Variants in SH3TC2 observed in about 807,000 individuals in gnomAD.
SH3TC2 encodes the protein SH3 domain and tetratricopeptide repeats 2.
A neutral mutation model predicts 124.5 loss-of-function variants in SH3TC2; 87 were observed. That is an observed-to-expected ratio of 0.70 (90% CI 0.59 to 0.84). The LOEUF (loss-of-function observed/expected upper bound fraction) is 0.84. Among genes scored for constraint, SH3TC2 ranks in the 40% least tolerant of loss-of-function variants. SH3TC2 has a pLI of 0.00. For missense variants in SH3TC2, 1,536 were observed against 1,566.4 expected (o/e 0.98, Z 0.33); for synonymous variants, 634 against 628.5 (o/e 1.01, Z -0.13).
intron 3 of SH3TC2, 110 bp downstream of exon 3, chr5:149,047,752 G>GT (rs1259972846): frequency 1.4e-6 from 2 of 1,396,112 alleles, no homozygotes; most frequent in Non-Finnish European, 2.0e-6. Context: ...CCTATTAGAT[G>GT]TTTTTTCCGA....
At chr5:149,059,646 C>CA (rs199998586) in intron 1 of SH3TC2, among the ~76,000 whole-genome samples, 4,973 of 103,372 alleles carry the variant, frequency 0.048, 279 homozygotes, top group Admixed American at 0.21. Flanking sequence ...TAATGTTTAG[C>CA]AAAAAAAAAA....
intron 8 of SH3TC2, among the ~76,000 whole-genome samples, chr5:149,034,971 C>T (rs1333315204): frequency 6.6e-6 from 1 of 152,052 alleles, no homozygotes; most frequent in African/African-American, 2.4e-5. Context: ...TTAAGACAGG[C>T]CAAGACTCAG....
At chr5:149,025,139 C>G (rs1754042411) in intron 12 of SH3TC2, among the ~76,000 whole-genome samples, 2 of 149,658 alleles carry the variant, frequency 1.3e-5, no homozygotes, top group Non-Finnish European at 2.9e-5. Flanking sequence ...CAGAAGCATC[C>G]AGACTCCTAG....
chr5:149,004,159 G>C lies in SH3TC2; in HGVS notation c.*552C>G, dbSNP rs1187699785. ...CAATCCATCTGGCCATTCTGAGGCTGTGTCTTTTGAGCTAAGATCCTGGTG... is the reference window on the plus strand; with the variant it reads ...CAATCCATCTGGCCATTCTGAGGCTCTGTCTTTTGAGCTAAGATCCTGGTG... On this transcript the variant is annotated 3_prime_UTR_variant, in exon 17 of 17. Coordinates refer to ENST00000515425, the MANE Select transcript of SH3TC2 (RefSeq NM_024577.4). 1 of 176,246 alleles carries C rather than the reference G, an allele frequency of 5.7e-6. No individual in the cohort carries two copies. The highest frequency in any genetic ancestry group is 1.2e-5 in the Non-Finnish European group (1 of 82,268). The allele number at this position is 176,246 out of a possible 1,614,324, so 10.9% of individuals were successfully genotyped here.
At chr5:149,028,870 A>G in intron 9 of SH3TC2, 152 bp from the exon 10 acceptor site, 1 of 820,576 alleles carries the variant, frequency 1.2e-6, no homozygotes, top group South Asian at 1.4e-5. Flanking sequence ...TTATCCTTTC[A>G]CCCATCATCT....
Position 148,995,286 on chromosome 5 carries a change from C to G in SH3TC2, c.*9425G>C, listed in dbSNP as rs1343582139. Among the ~76,000 whole-genome samples the G allele has an allele frequency of 6.6e-6, 1 of 152,168 alleles. No individual in the cohort carries two copies. Among genetic ancestry groups the G allele is most frequent in the Non-Finnish European group, 1.5e-5 (1 of 68,034 alleles). On this transcript the variant is annotated 3_prime_UTR_variant, in exon 17 of 17. Coordinates refer to ENST00000515425, the MANE Select transcript of SH3TC2 (RefSeq NM_024577.4). ...AGTGATTTTGAATCTCTGCAAACAT[C>G]TGAAATACTTTAAACCTTGATTCTA... is the stretch of plus-strand genomic sequence containing the variant.
intron 15 of SH3TC2, chr5:149,008,628 A>T (rs1296578398): frequency 3.3e-6 from 2 of 609,682 alleles, no homozygotes; most frequent in African/African-American, 1.8e-5. Context: ...TCTTCATAAC[A>T]ACTACCATGA....
chr5:149,027,998 G>C lies in SH3TC2; in HGVS notation c.1734C>G (p.Ile578Met). Residue 578 changes from isoleucine to methionine, a missense_variant, in exon 11 of 17, where the codon ATC becomes ATG. Ile to Met is a conservative substitution (Grantham distance 10). Around this residue, in one of 3 missense-constraint regions of SH3TC2, gnomAD observed 1,102 missense variants for 1,098.6 expected, o/e 1.00. Coordinates refer to ENST00000515425, the MANE Select transcript of SH3TC2 (RefSeq NM_024577.4). ...VATLYINLAA[I>M]YLKQRLRHKG... ...TATGTCTCAGCCTCTGTTTCAGGTA[G>C]ATGGCAGCCAAATTGATGTACAGAG... The C allele has an allele frequency of 6.2e-7, 1 of 1,614,190 alleles. No homozygotes were observed. The highest frequency in any genetic ancestry group is 1.1e-5 in the South Asian group (1 of 91,082).
Position 148,982,510 on chromosome 5 carries a change from C to G in SH3TC2, c.*22201G>C, listed in dbSNP as rs555033659. Reference sequence around the variant, plus strand: ...AACCAAATTGACACCACTAGAGAACCAGCTAAATAAACTGTTATTCCCATC... The same window carrying G: ...AACCAAATTGACACCACTAGAGAACGAGCTAAATAAACTGTTATTCCCATC... On this transcript the variant is annotated 3_prime_UTR_variant, in exon 17 of 17. Transcript: ENST00000515425. 1.3e-5 allele frequency among the ~76,000 whole-genome samples: 2 copies of G among 152,220 alleles called. No homozygotes were observed. The highest frequency in any genetic ancestry group is 3.9e-4 in the East Asian group (2 of 5,174).
chr5:149,038,636 T>C (rs1754322979), intron 7 of SH3TC2, 146 bp from the exon 8 acceptor site: 3 of 843,822 alleles, frequency 3.6e-6, no homozygotes, highest in South Asian at 1.4e-5. Flanking sequence ...CACCCAAAAA[T>C]TGGCAGGAAT....
chr5:148,995,724 T>C lies in SH3TC2; in HGVS notation c.*8987A>G, dbSNP rs1444953963. Among the ~76,000 whole-genome samples, 1 of 152,122 alleles carries C rather than the reference T, an allele frequency of 6.6e-6. No homozygotes were observed. Among genetic ancestry groups the C allele is most frequent in the East Asian group, 1.9e-4 (1 of 5,188 alleles). On this transcript the variant is annotated 3_prime_UTR_variant, in exon 17 of 17. Transcript: ENST00000515425. ...ACAAATCTTTATTGAGAGCCTGCCA[T>C]GCATCAGACACTGGGCTGGGCTCCA...
In SH3TC2 at chr5:149,001,414, G is replaced by T. The variant is rs905943158; in HGVS notation, c.*3297C>A. On this transcript the variant is annotated 3_prime_UTR_variant, in exon 17 of 17. Transcript: ENST00000515425. ...GCCAGCAGTCACACAGCCCATATAA[G>T]ATTTGAGGGAACAATTAGAATAAAG... The T allele has an allele frequency of 5.3e-5, 8 of 152,012 alleles. No homozygotes were observed. Among genetic ancestry groups the T allele is most frequent in the African/African-American group, 1.9e-4 (8 of 41,388 alleles). 9.4% of individuals were successfully genotyped at this position (152,012 alleles called of 1,614,324 possible).
rs1360909866 is a variant in SH3TC2, at chr5:149,025,287, GA to G, written c.3053+1284del. The stretch of plus-strand genomic sequence containing the variant: ...GGACACCTGATTCTTACAAGACAGG[GA>G]AAGAATGAGGGAGAGTGAGAGGAAG... On this transcript the variant is annotated intron_variant, in intron 12 of 16. Coordinates refer to ENST00000515425, the MANE Select transcript of SH3TC2 (RefSeq NM_024577.4). 4.6e-5 allele frequency among the ~76,000 whole-genome samples: 7 copies of G among 152,254 alleles called. No individual in the cohort carries two copies. The East Asian group carries it at 7.7e-4, about 17-fold the overall frequency.
At chr5:149,060,158 AG>A (rs1275606968) in intron 1 of SH3TC2, among the ~76,000 whole-genome samples, 1 of 152,254 alleles carries the variant, frequency 6.6e-6, no homozygotes, top group Admixed American at 6.5e-5. Context: ...CTTCTATTTA[AG>A]GGCATAAATC....
rs1754096756 is a variant in SH3TC2, at chr5:149,027,717, A to G, written c.2015T>C (p.Val672Ala). Residue 672 changes from valine to alanine, a missense_variant, in exon 11 of 17, where the codon GTG becomes GCG. By Grantham distance (64) the Val-to-Ala change is moderately conservative. This residue lies in a region of SH3TC2 where 1,102 missense variants were observed against 1,098.6 expected (regional missense o/e 1.00). Coordinates refer to ENST00000515425, the MANE Select transcript of SH3TC2 (RefSeq NM_024577.4). ...LSGHPPASEAVASVLSFLYDK... is the reference protein window; with the variant it reads ...LSGHPPASEAAASVLSFLYDK... ...ATACAGAAAACTCAAAACACTGGCC[A>G]CAGCCTCAGAGGCAGGAGGGTGTCC... 1.9e-6 allele frequency: 3 copies of G among 1,614,062 alleles called. No homozygotes were observed. In the Admixed American group the frequency reaches 5.0e-5, roughly 27 times the overall value.
chr5:149,027,506 C>A lies in SH3TC2; in HGVS notation c.2226G>T (p.Gln742His). The part of the protein sequence containing the change: ...VSALACPMLR[Q>H]ALAACEELAD... ...CTAGTTCCTCACAGGCAGCCAGGGC[C>A]TGTCTGAGCATTGGGCAGGCCAAGG... Residue 742 changes from glutamine to histidine, a missense_variant, in exon 11 of 17, where the codon CAG becomes CAT. Coordinates refer to ENST00000515425, the MANE Select transcript of SH3TC2 (RefSeq NM_024577.4). 1 of 1,614,226 alleles carries A rather than the reference C, an allele frequency of 6.2e-7. No homozygotes were observed. Among genetic ancestry groups the A allele is most frequent in the Non-Finnish European group, 8.5e-7 (1 of 1,180,052 alleles).
chr5:149,033,408 A>G (rs1754231341), intron 8 of SH3TC2, among the ~76,000 whole-genome samples: 1 of 152,210 alleles, frequency 6.6e-6, no homozygotes, highest in Non-Finnish European at 1.5e-5. Context: ...ACAAAGATGA[A>G]TATTTTAGTA....
At chr5:149,037,039 A>T (rs1179002019) in intron 8 of SH3TC2, among the ~76,000 whole-genome samples, 2 of 152,136 alleles carry the variant, frequency 1.3e-5, no homozygotes, top group African/African-American at 4.8e-5. Context: ...GCTCAGAGAC[A>T]TGCAGTAGCT....
At chr5:149,044,338 G>A (rs1298475466) in intron 4 of SH3TC2, 195 bp downstream of exon 4, 2 of 547,278 alleles carry the variant, frequency 3.7e-6, no homozygotes, top group Admixed American at 3.1e-5. Flanking sequence ...TCTTCATACG[G>A]CATTTTAGAA....
Sources: gnomAD v4.1 joint callset for allele counts (sites outside exome capture counted in the v4.1 genomes callset) on GRCh38, gnomAD v4.1.1 for gene constraint, gnomAD v4.1.1 regional missense constraint, MANE v1.5 for transcripts, NCBI Gene and HGNC (gene_info 2026-07-23, HGNC 2026-07-21) for gene names.